Variants in CYLC2 observed in about 807,000 individuals in gnomAD.
The protein encoded by CYLC2 is cylicin-2.
A neutral mutation model predicts 26.1 loss-of-function variants in CYLC2; 30 were observed. The ratio of observed to expected loss-of-function variants is 1.15; its 90% confidence interval spans 0.86 to 1.56. The LOEUF is 1.56. Ranked by LOEUF, CYLC2 falls within the 40% of genes most tolerant of loss-of-function variation. CYLC2 has a pLI of 0.00. For missense variants in CYLC2, 498 were observed against 394.4 expected (o/e 1.26, Z -2.23); for synonymous variants, 158 against 132.8 (o/e 1.19, Z -1.31).
intron 6 of CYLC2, among the ~76,000 whole-genome samples, chr9:103,013,833 A>C (rs1442530236): frequency 8.9e-5 from 10 of 112,458 alleles, no homozygotes; most frequent in African/African-American, 3.6e-4. Context: ...TGTATATAAT[A>C]TATAATAAAG....
At chr9:103,015,534 T>C (rs1375529916) in intron 6 of CYLC2, among the ~76,000 whole-genome samples, 1 of 141,880 alleles carries the variant, frequency 7.0e-6, no homozygotes, top group Non-Finnish European at 1.5e-5. Flanking sequence ...TATATAAATA[T>C]ATAAATATTA....
At chr9:103,003,327 A>G (rs1829307924) in intron 3 of CYLC2, 64 bp downstream of exon 3, 2 of 1,367,674 alleles carry the variant, frequency 1.5e-6, no homozygotes. Context: ...AATTATAACC[A>G]TAATAAGTAA....
intron 7 of CYLC2, among the ~76,000 whole-genome samples, chr9:103,017,478 T>C (rs1444181223): frequency 6.6e-6 from 1 of 152,058 alleles, no homozygotes; most frequent in Non-Finnish European, 1.5e-5. Flanking sequence ...ACTGAATAAA[T>C]TGATCTGAAA....
intron 3 of CYLC2, among the ~76,000 whole-genome samples, chr9:103,004,385 T>C (rs1829317674): frequency 6.6e-6 from 1 of 152,048 alleles, no homozygotes; most frequent in Non-Finnish European, 1.5e-5. Flanking sequence ...CTCAAGAACA[T>C]ACAGTTTAAA....
At chr9:103,014,236 T>A (rs1182292190) in intron 6 of CYLC2, among the ~76,000 whole-genome samples, 3 of 125,668 alleles carry the variant, frequency 2.4e-5, no homozygotes, top group Admixed American at 9.1e-5. Context: ...ATAATATATA[T>A]GTATGTAATA....
At chr9:103,014,902 T>A (rs1266771329) in intron 6 of CYLC2, among the ~76,000 whole-genome samples, 1 of 139,164 alleles carries the variant, frequency 7.2e-6, no homozygotes, top group African/African-American at 2.6e-5. Flanking sequence ...ATATACATAA[T>A]ATATGTAATA....
At chr9:103,009,049 G>A (rs1356867409) in intron 5 of CYLC2, among the ~76,000 whole-genome samples, 3 of 152,066 alleles carry the variant, frequency 2.0e-5, no homozygotes, top group African/African-American at 7.2e-5. Context: ...TGTTGCATTG[G>A]ATTTTTAAAA....
At chr9:103,009,069 C>G (rs1829380056) in intron 5 of CYLC2, among the ~76,000 whole-genome samples, 1 of 152,108 alleles carries the variant, frequency 6.6e-6, no homozygotes, top group South Asian at 2.1e-4. Flanking sequence ...AATATTTTAC[C>G]ACATGTAACC....
Position 103,000,624 on chromosome 9 carries a change from G to T in CYLC2, c.18-954G>T, listed in dbSNP as rs534776860. Among the ~76,000 whole-genome samples, 9 of 152,078 alleles carry T rather than the reference G, an allele frequency of 5.9e-5. No individual in the cohort carries two copies. In the East Asian group the frequency reaches 1.7e-3, roughly 29 times the overall value. ...TATTCAGCTAATACAAATTTTTATAGCACGAAAAAATGTGCCACGTTTTAT... is the reference window on the plus strand; with the variant it reads ...TATTCAGCTAATACAAATTTTTATATCACGAAAAAATGTGCCACGTTTTAT... On this transcript the variant is annotated intron_variant, in intron 1 of 7. Coordinates refer to ENST00000374798, the MANE Select transcript of CYLC2 (RefSeq NM_001340.5).
chr9:103,013,823 TG>T (rs1829450135), intron 6 of CYLC2, among the ~76,000 whole-genome samples: 1 of 94,700 alleles, frequency 1.1e-5, no homozygotes, highest in African/African-American at 4.0e-5. Context: ...GTATATAATA[TG>T]TATATAATAT....
At chr9:103,006,424 T>A (rs1479121830) in intron 5 of CYLC2, 46 bp downstream of exon 5, 1 of 100,522 alleles carries the variant, frequency 9.9e-6, no homozygotes. Flanking sequence ...TTTATTTATT[T>A]ATTTTTTGAG....
At chr9:103,001,662 T>G in intron 2 of CYLC2, 44 bp downstream of exon 2, 1 of 1,254,016 alleles carries the variant, frequency 8.0e-7, no homozygotes, top group Non-Finnish European at 1.2e-6. Flanking sequence ...GTGTGCTTAA[T>G]TTTATGGTAA....
rs1829334728 is a variant in CYLC2, at chr9:103,005,454, A to G, written c.823A>G (p.Lys275Glu). 2 of 1,613,284 alleles carry G rather than the reference A, an allele frequency of 1.2e-6. No homozygotes were observed. The highest frequency in any genetic ancestry group is 2.7e-5 in the African/African-American group (2 of 74,758). ...GATTAAAAAAGGTAAGAAAGATAAG[A>G]AGAAGCCCAGTAGTACAGACAGTGA... ...KEIKKGKKDK[K>E]KPSSTDSDSK... The change falls in exon 5 of 8, where the codon AAG becomes GAG. Residue 275 changes from lysine (K) to glutamate (E), a missense_variant. Physicochemically the swap from Lys to Glu is moderately conservative, Grantham distance 56 (BLOSUM62 1). Transcript: ENST00000374798.
intron 1 of CYLC2, among the ~76,000 whole-genome samples, chr9:102,998,454 C>A (rs1363884997): frequency 1.3e-5 from 2 of 151,820 alleles, no homozygotes; most frequent in Admixed American, 1.3e-4. Context: ...GCACCCTGAC[C>A]TAGATAATTA....
chr9:103,013,269 T>TATTATATAAC (rs1554713557), intron 6 of CYLC2, among the ~76,000 whole-genome samples: 1 of 99,298 alleles, frequency 1.0e-5, no homozygotes, highest in East Asian at 2.7e-4. Flanking sequence ...GTGTTATATA[T>TATTATATAAC]ATTATATATA....
intron 5 of CYLC2, among the ~76,000 whole-genome samples, chr9:103,007,470 T>G (rs1017408907): frequency 3.3e-5 from 5 of 152,122 alleles, no homozygotes; most frequent in Non-Finnish European, 5.9e-5. Context: ...AACCAAAATT[T>G]AACAGAGTGT....
Position 103,005,683 on chromosome 9 carries a change from T to C in CYLC2, c.*5T>C. ...GCAAAGAAGAAGGGCAAGTAGGCCT[T>C]GGATAAGAATTTGAACCGAAAGAAT... On this transcript the variant is annotated 3_prime_UTR_variant, in exon 5 of 8. Coordinates refer to ENST00000374798, the MANE Select transcript of CYLC2 (RefSeq NM_001340.5). The C allele has an allele frequency of 6.3e-7, 1 of 1,596,880 alleles. No individual in the cohort carries two copies. Among genetic ancestry groups the C allele is most frequent in the Non-Finnish European group, 8.5e-7 (1 of 1,173,974 alleles).
intron 1 of CYLC2, among the ~76,000 whole-genome samples, chr9:103,000,975 G>A (rs1829282672): frequency 6.6e-6 from 1 of 151,710 alleles, no homozygotes; most frequent in African/African-American, 2.4e-5. Flanking sequence ...TTGCAATATA[G>A]TTTCTTTTTC....
intron 6 of CYLC2, among the ~76,000 whole-genome samples, chr9:103,013,112 AAAT>A (rs1036499082): frequency 2.9e-5 from 4 of 137,600 alleles, no homozygotes; most frequent in African/African-American, 8.2e-5. Context: ...TATATATCAT[AAAT>A]AATATAAAAA....
Sources: allele counts gnomAD v4.1 joint callset (sites outside exome capture counted in the v4.1 genomes callset), GRCh38; gene constraint gnomAD v4.1.1; transcripts MANE v1.5; gene names NCBI Gene and HGNC (gene_info 2026-07-23, HGNC 2026-07-21).